Variants in FGF14 observed in about 807,000 individuals in gnomAD.
FGF14 encodes the protein fibroblast growth factor 14, also known as fibroblast growth factor homologous factor 4.
A neutral mutation model predicts 25.5 loss-of-function variants in FGF14; 5 were observed. The ratio of observed to expected loss-of-function variants is 0.20; its 90% CI spans 0.10 to 0.41. The LOEUF is 0.41. FGF14 is among the 10% of genes least tolerant of loss of function. FGF14 has a pLI of 1.00. For synonymous variants in FGF14, 138 were observed against 118.3 expected, an observed-to-expected ratio of 1.17 and a Z score of -1.08; for missense variants, 222 against 320.1, an observed-to-expected ratio of 0.69 and a Z score of 2.34.
At chr13:102,378,287 A>G (rs561423969) in intron 1 of FGF14, among the ~76,000 whole-genome samples, 2 of 152,264 alleles carry the variant, frequency 1.3e-5, no homozygotes, top group East Asian at 3.9e-4. Context: ...GAGGTGATGG[A>G]TCTGTGGGGG....
chr13:101,919,388 T>A (rs1337614355), upstream of FGF14, among the ~76,000 whole-genome samples: 3 of 151,570 alleles, frequency 2.0e-5, no homozygotes, highest in African/African-American at 4.9e-5. Flanking sequence ...CCAACACACC[T>A]AGTTTATTTT....
rs760049210 is a variant in FGF14 at position 101,722,784 on chromosome 13, T to C, written c.*47A>G. 1 of 1,612,190 alleles carries C rather than the reference T, an allele frequency of 6.2e-7. No homozygotes were observed. Among genetic ancestry groups the C allele is most frequent in the East Asian group, 2.2e-5 (1 of 44,846 alleles). On this transcript the variant is annotated 3_prime_UTR_variant, in exon 5 of 5. Transcript: ENST00000376143. ...GGAATGTCTGGTGAGGATAAATCAC[T>C]CAACTGTGCTCAGGACGAATAAGTC...
chr13:102,401,797 G>A (rs1466408166), upstream of FGF14: 1 of 842,626 alleles, frequency 1.2e-6, no homozygotes, highest in Non-Finnish European at 1.9e-6. Flanking sequence ...ATCCCCCCTC[G>A]ATCACCACCG....
In FGF14 at chr13:101,715,672, T is replaced by G. The variant is rs751627195; in HGVS notation, c.*7159A>C. On this transcript the variant is annotated 3_prime_UTR_variant, in exon 5 of 5. Transcript: ENST00000376143. Reference sequence around the variant, plus strand: ...ATCCTTAACAATTACATGAGAGAGGTCTGGATTCTTATTTTTTCTGGGCCA... The same window carrying G: ...ATCCTTAACAATTACATGAGAGAGGGCTGGATTCTTATTTTTTCTGGGCCA... The G allele has an allele frequency of 1.3e-6, 2 of 1,531,198 alleles. No homozygotes were observed. Among genetic ancestry groups the G allele is most frequent in the Non-Finnish European group, 9.1e-7 (1 of 1,104,540 alleles). 94.9% of individuals were successfully genotyped at this position (1,531,198 alleles called of 1,614,324 possible).
chr13:101,950,106 T>C (rs1041140284), intron 1 of FGF14, among the ~76,000 whole-genome samples: 1 of 152,134 alleles, frequency 6.6e-6, no homozygotes, highest in Non-Finnish European at 1.5e-5. Context: ...CTCAGAGCTA[T>C]GGAAGTCATC....
chr13:101,903,542 T>C (rs1417193849), intron 1 of FGF14, among the ~76,000 whole-genome samples: 2 of 142,720 alleles, frequency 1.4e-5, no homozygotes, highest in African/African-American at 6.0e-5. Context: ...TTGGGTAGGC[T>C]TTTTTTTTCC....
Position 102,083,479 on chromosome 13 carries a change from T to C in FGF14, c.209-208183A>G, listed in dbSNP as rs149424376. Reference sequence around the variant, plus strand: ...GGCTTACTTTCCAACCTGACTCTGGTATAGCATTAAATGACAGATAGTAGA... The same window carrying C: ...GGCTTACTTTCCAACCTGACTCTGGCATAGCATTAAATGACAGATAGTAGA... On this transcript the variant is annotated intron_variant, in intron 1 of 4. Coordinates refer to the FGF14 transcript ENST00000376131. Among the ~76,000 whole-genome samples the C allele has an allele frequency of 1.3e-4, 20 of 152,260 alleles. 1 individual carries two copies. The East Asian group carries it at 3.9e-3, about 29-fold the overall frequency.
In FGF14 at chr13:102,400,266, C is replaced by T. The variant is rs931263726; in HGVS notation, c.208+1205G>A. Among the ~76,000 whole-genome samples, 1 of 152,200 alleles carries T rather than the reference C, an allele frequency of 6.6e-6. No individual in the cohort carries two copies. Among genetic ancestry groups the T allele is most frequent in the African/African-American group, 2.4e-5 (1 of 41,442 alleles). ...GGCCGTGGAGAGCCATGATCTACTGCACCGCAGTGCCAGCGTCAGGAGCTT... is the reference window on the plus strand; with the variant it reads ...GGCCGTGGAGAGCCATGATCTACTGTACCGCAGTGCCAGCGTCAGGAGCTT... On this transcript the variant is annotated intron_variant, in intron 1 of 4. Transcript: ENST00000376131. This position sits in a 1 kb window ranked among gnomAD's most constrained non-coding sequence, Gnocchi z 4.3.
intron 1 of FGF14, chr13:102,395,093 G>A (rs745417554): frequency 3.9e-5 from 6 of 152,308 alleles, no homozygotes; most frequent in Non-Finnish European, 8.8e-5. Flanking sequence ...GAGCTGCGAA[G>A]TTGGAAGATT....
At chr13:102,053,184 T>G (rs1208646621) in intron 1 of FGF14, among the ~76,000 whole-genome samples, 1 of 152,040 alleles carries the variant, frequency 6.6e-6, no homozygotes, top group Non-Finnish European at 1.5e-5. Flanking sequence ...AAAATAGCAG[T>G]GGTATTTACA....
chr13:101,789,671 A>G (rs1335544564), intron 3 of FGF14, among the ~76,000 whole-genome samples: 2 of 152,106 alleles, frequency 1.3e-5, no homozygotes, highest in East Asian at 1.9e-4. Flanking sequence ...AATTCAAAGG[A>G]TCTCAGGACT....
chr13:102,087,660 G>A (rs757863984), intron 1 of FGF14, among the ~76,000 whole-genome samples: 10 of 143,782 alleles, frequency 7.0e-5, no homozygotes, highest in Non-Finnish European at 8.9e-5. Context: ...TCCTGACCTC[G>A]TGATCTATCC....
intron 3 of FGF14, among the ~76,000 whole-genome samples, chr13:101,853,633 T>C (rs1273605656): frequency 2.6e-5 from 4 of 151,900 alleles, no homozygotes; most frequent in African/African-American, 9.7e-5. Flanking sequence ...AAATTTTATT[T>C]TTTGTAGAGA....
intron 1 of FGF14, among the ~76,000 whole-genome samples, chr13:102,343,450 T>C (rs1220575745): frequency 1.3e-5 from 2 of 152,120 alleles, no homozygotes; most frequent in African/African-American, 4.8e-5. Context: ...TCTAGGGCAG[T>C]TGTTGCAAGG....
intron 1 of FGF14, among the ~76,000 whole-genome samples, chr13:102,319,080 G>C (rs2056145006): frequency 6.6e-6 from 1 of 152,180 alleles, no homozygotes. Flanking sequence ...CTTGCTGTCT[G>C]ATCACAGCAG....
intron 1 of FGF14, among the ~76,000 whole-genome samples, chr13:102,099,431 G>A (rs561377403): frequency 6.6e-6 from 1 of 152,178 alleles, no homozygotes; most frequent in Non-Finnish European, 1.5e-5. Flanking sequence ...ACCACACAAG[G>A]GTTCTTAGAG....
chr13:101,724,126 T>C (rs1360871122), intron 4 of FGF14, among the ~76,000 whole-genome samples: 2 of 152,044 alleles, frequency 1.3e-5, no homozygotes, highest in African/African-American at 4.8e-5. Flanking sequence ...CACATTCCAA[T>C]CCCTCACTCC....
chr13:101,762,893 G>C (rs2038121278), intron 3 of FGF14, among the ~76,000 whole-genome samples: 1 of 152,066 alleles, frequency 6.6e-6, no homozygotes, highest in Non-Finnish European at 1.5e-5. Context: ...TTTCATGCTA[G>C]TCAGTAGGTT....
chr13:102,212,417 CT>C (rs2050199732), intron 1 of FGF14, among the ~76,000 whole-genome samples: 1 of 152,110 alleles, frequency 6.6e-6, no homozygotes. Context: ...CTGAATCCCC[CT>C]GACCTCCACC....
Sources: gnomAD v4.1 joint callset for allele counts (sites outside exome capture counted in the v4.1 genomes callset) on GRCh38, gnomAD v4.1.1 for gene constraint, Gnocchi (gnomAD v3.1) non-coding constraint, MANE v1.5 for transcripts, NCBI Gene and HGNC (gene_info 2026-07-23, HGNC 2026-07-21) for gene names.